Variants in KAT6A observed in about 807,000 individuals in gnomAD.
The protein encoded by KAT6A is lysine acetyltransferase 6A, also known as histone acetyltransferase KAT6A.
A neutral mutation model predicts 198.4 loss-of-function variants in KAT6A; 9 were observed. The observed-to-expected ratio is 0.05, with a 90% CI of 0.03 to 0.08. The LOEUF is 0.08. Among genes scored for constraint, KAT6A ranks in the 10% least tolerant of loss-of-function variants. The pLI, the probability that KAT6A is intolerant of heterozygous loss-of-function variation, is 1.00. For synonymous variants in KAT6A, 890 were observed against 883.0 expected, an observed-to-expected ratio of 1.01 and a Z score of -0.14; for missense variants, 2,077 against 2,509.9, an observed-to-expected ratio of 0.83 and a Z score of 3.69.
chr8:41,935,523 C>A (rs1319167639), intron 16 of KAT6A, among the ~76,000 whole-genome samples: 1 of 152,146 alleles, frequency 6.6e-6, no homozygotes, highest in Non-Finnish European at 1.5e-5. Flanking sequence ...GCACCAATTA[C>A]ATTCATTAGA....
intron 7 of KAT6A, among the ~76,000 whole-genome samples, chr8:41,976,225 C>G (rs1013188418): frequency 6.6e-6 from 1 of 152,224 alleles, no homozygotes; most frequent in African/African-American, 2.4e-5. Context: ...AGACACTACA[C>G]CTCTGGCCCT....
chr8:41,948,526 CTG>C (rs1437141324), intron 10 of KAT6A, among the ~76,000 whole-genome samples: 1 of 152,184 alleles, frequency 6.6e-6, no homozygotes, highest in Non-Finnish European at 1.5e-5. Flanking sequence ...GCAGCCTTGT[CTG>C]TGTTCATGGA....
chr8:42,011,989 T>C (rs1162603225), intron 2 of KAT6A, among the ~76,000 whole-genome samples: 2 of 151,456 alleles, frequency 1.3e-5, no homozygotes, highest in African/African-American at 2.4e-5. Context: ...AGAAGATATG[T>C]ACATAAAACA....
At chr8:42,015,283 T>C (rs564535471) in intron 2 of KAT6A, among the ~76,000 whole-genome samples, 1 of 152,252 alleles carries the variant, frequency 6.6e-6, no homozygotes, top group South Asian at 2.1e-4. Context: ...CCAGATCCCT[T>C]CAACATGGAT....
intron 12 of KAT6A, among the ~76,000 whole-genome samples, 170 bp downstream of exon 12, chr8:41,946,421 G>C (rs1190820632): frequency 6.6e-6 from 1 of 150,770 alleles, no homozygotes; most frequent in East Asian, 2.0e-4. Flanking sequence ...AGGTTTTAAA[G>C]AATCATATAG....
intron 2 of KAT6A, among the ~76,000 whole-genome samples, chr8:42,045,837 T>A (rs868005649): frequency 0.051 from 7,172 of 141,568 alleles, 243 homozygotes; most frequent in East Asian, 0.13. Flanking sequence ...AAAAAAAAAG[T>A]AGCCACACGT....
intron 5 of KAT6A, among the ~76,000 whole-genome samples, chr8:41,979,517 G>A (rs1262414720): frequency 1.3e-5 from 2 of 151,606 alleles, no homozygotes; most frequent in Non-Finnish European, 2.9e-5. Context: ...GCTCACGCCT[G>A]TAATCCCAAC....
intron 7 of KAT6A, 111 bp downstream of exon 7, chr8:41,976,897 T>TAG: frequency 1.1e-6 from 1 of 914,810 alleles, no homozygotes; most frequent in East Asian, 2.7e-5. Context: ...TCTTATATTC[T>TAG]ATAACCAATT....
intron 2 of KAT6A, among the ~76,000 whole-genome samples, chr8:42,003,579 T>C (rs1825602228): frequency 6.6e-6 from 1 of 152,090 alleles, no homozygotes; most frequent in Non-Finnish European, 1.5e-5. Flanking sequence ...CTATACATCA[T>C]TTTCTTTACT....
chr8:42,041,222 C>T (rs1185930582), intron 2 of KAT6A, among the ~76,000 whole-genome samples: 3 of 149,310 alleles, frequency 2.0e-5, no homozygotes, highest in Non-Finnish European at 4.4e-5. Context: ...AACTGTGCAG[C>T]TGATTGTACT....
intron 2 of KAT6A, among the ~76,000 whole-genome samples, chr8:42,042,801 T>C (rs1827728530): frequency 6.6e-6 from 1 of 152,286 alleles, no homozygotes; most frequent in South Asian, 2.1e-4. Context: ...CTGATTACCA[T>C]GAAAGAGAAT....
At chr8:42,044,789 T>G (rs1827830232) in intron 2 of KAT6A, among the ~76,000 whole-genome samples, 1 of 152,244 alleles carries the variant, frequency 6.6e-6, no homozygotes, top group African/African-American at 2.4e-5. Flanking sequence ...AGGTGCTCAA[T>G]GACTATATGC....
At chr8:41,946,449 C>T (rs771957564) in intron 12 of KAT6A, 142 bp downstream of exon 12, 97 of 504,990 alleles carry the variant, frequency 1.9e-4, no homozygotes, top group Middle Eastern at 1.0e-3. Context: ...ACAAAAGATA[C>T]TAGCAGCCAA....
intron 2 of KAT6A, among the ~76,000 whole-genome samples, chr8:42,033,782 T>G (rs769104233): frequency 1.3e-5 from 2 of 152,178 alleles, no homozygotes; most frequent in African/African-American, 4.8e-5. Flanking sequence ...CCCTGGAAGA[T>G]GCTTAATACA....
chr8:41,929,923 T>A lies in KAT6A; in HGVS notation c.*2282A>T, dbSNP rs989757146. The A allele has an allele frequency of 4.6e-6, 1 of 215,944 alleles. No homozygotes were observed. Among genetic ancestry groups the A allele is most frequent in the Non-Finnish European group, 9.3e-6 (1 of 107,260 alleles). The allele number at this position is 215,944 out of a possible 1,614,324, so 13.4% of individuals were successfully genotyped here. On this transcript the variant is annotated 3_prime_UTR_variant, in exon 17 of 17. Transcript: ENST00000265713. ...AGGCATCAAAGTCACTAACAGTGAG[T>A]TTTTAAATTTCTTTTTTAGAAGATT...
chr8:42,033,195 A>G (rs952806677), intron 2 of KAT6A, among the ~76,000 whole-genome samples: 9 of 152,102 alleles, frequency 5.9e-5, no homozygotes, highest in South Asian at 2.1e-4. Context: ...TTCTTACTCA[A>G]TAAGAGTAAT....
At chr8:41,955,452 G>A in intron 8 of KAT6A, 41 bp from the exon 9 acceptor site, 1 of 1,215,966 alleles carries the variant, frequency 8.2e-7, no homozygotes, top group Non-Finnish European at 1.2e-6. Context: ...AGCTAAATTA[G>A]ACACACTGAG....
chr8:41,934,165 A>G lies in KAT6A; in HGVS notation c.4055T>C (p.Leu1352Ser). The G allele has an allele frequency of 6.2e-7, 1 of 1,614,034 alleles. No homozygotes were observed. Among genetic ancestry groups the G allele is most frequent in the Non-Finnish European group, 8.5e-7 (1 of 1,180,008 alleles). Residue 1352 changes from leucine (L) to serine (S), a missense_variant, in exon 17 of 17, where the codon TTA (leucine) becomes TCA (serine). This residue lies in a region of KAT6A where 375 missense variants were observed against 383.0 expected (regional missense o/e 0.98). Coordinates refer to ENST00000265713, the MANE Select transcript of KAT6A (RefSeq NM_006766.5). The part of the protein sequence containing the change: ...KEEPGVQESF[L>S]DANMQKSREK... ...CCTACTCTTCTGCATATTAGCATCT[A>G]AAAAAGACTCTTGAACACCAGGCTC... is the stretch of plus-strand genomic sequence containing the variant.
intron 8 of KAT6A, among the ~76,000 whole-genome samples, chr8:41,967,165 G>A (rs1823534394): frequency 6.6e-6 from 1 of 151,854 alleles, no homozygotes; most frequent in African/African-American, 2.4e-5. Flanking sequence ...AAAATACAAT[G>A]TGCTCTTTGA....
Sources: allele counts gnomAD v4.1 joint callset (sites outside exome capture counted in the v4.1 genomes callset), GRCh38; gene constraint gnomAD v4.1.1; regional missense constraint gnomAD v4.1.1; transcripts MANE v1.5; gene names NCBI Gene and HGNC (gene_info 2026-07-23, HGNC 2026-07-21).